ANO1: variants seen among roughly 807,000 people sequenced by gnomAD.
ANO1 encodes the protein anoctamin 1.
A neutral mutation model predicts 124.0 loss-of-function variants in ANO1; 59 were observed. That is an observed-to-expected ratio of 0.48 (90% CI 0.39 to 0.59). The LOEUF (loss-of-function observed/expected upper bound fraction) is 0.59, where lower values mean the gene tolerates loss of function less well. ANO1 is among the 20% of genes least tolerant of loss of function. The pLI, the probability that ANO1 is intolerant of heterozygous loss-of-function variation, is 0.00. For missense variants in ANO1, 1,059 were observed against 1,328.0 expected (o/e 0.80, Z 3.15); for synonymous variants, 529 against 532.0 (o/e 0.99, Z 0.08).
chr11:70,183,886 GT>G (rs2049015981), intron 24 of ANO1, among the ~76,000 whole-genome samples: 1 of 152,252 alleles, frequency 6.6e-6, no homozygotes, highest in South Asian at 2.1e-4. Context: ...GCACATAGTA[GT>G]TGGTCAATAA....
At chr11:70,107,495 G>GGGGGGGGGGGGGGGGGA (rs1555023227) in intron 5 of ANO1, among the ~76,000 whole-genome samples, 1 of 121,376 alleles carries the variant, frequency 8.2e-6, no homozygotes, top group Non-Finnish European at 1.8e-5. Context: ...GGAGGCGGCG[G>GGGGGGGGGGGGGGGGGA]GGCGGGGAAG....
chr11:70,186,042 T>C (rs2049105374), intron 25 of ANO1, among the ~76,000 whole-genome samples: 1 of 152,024 alleles, frequency 6.6e-6, no homozygotes, highest in Non-Finnish European at 1.5e-5. Context: ...TCCCAGCACT[T>C]TGGGAGACCG....
intron 1 of ANO1, among the ~76,000 whole-genome samples, chr11:70,016,105 G>A (rs113186489): frequency 0.05 from 7,487 of 151,164 alleles, 625 homozygotes; most frequent in African/African-American, 0.17. Flanking sequence ...TCGGTTCACC[G>A]CAACCTCTGC....
chr11:70,166,457 C>T (rs896890483), intron 20 of ANO1, among the ~76,000 whole-genome samples: 12 of 152,354 alleles, frequency 7.9e-5, no homozygotes, highest in African/African-American at 2.9e-4. Context: ...CCCCCAAGCC[C>T]GATGCTGGCT....
chr11:70,163,538 A>C, intron 19 of ANO1, 198 bp downstream of exon 19: 1 of 668,222 alleles, frequency 1.5e-6, no homozygotes. Flanking sequence ...TTCATATAGA[A>C]TCACCTAGAA....
intron 2 of ANO1, 116 bp downstream of exon 2, chr11:70,088,200 T>C: frequency 1.2e-6 from 1 of 803,006 alleles, no homozygotes; most frequent in Admixed American, 3.5e-5. Context: ...TTGTTTTAGC[T>C]TTAAGCTGTT....
chr11:70,156,884 G>A, intron 15 of ANO1, 63 bp from the exon 16 acceptor site: 1 of 1,512,454 alleles, frequency 6.6e-7, no homozygotes, highest in Non-Finnish European at 9.1e-7. Context: ...CACCCACGCT[G>A]ACACACAGAG....
chr11:69,980,246 A>G, the ANO1 span, among the ~76,000 whole-genome samples: 41 of 152,238 alleles, frequency 2.7e-4, 1 homozygote, highest in South Asian at 8.3e-3. Context: ...AGAAACTAGA[A>G]TGGTGGTGCC....
intron 24 of ANO1, among the ~76,000 whole-genome samples, chr11:70,183,866 G>A (rs1193817634): frequency 6.6e-6 from 1 of 152,244 alleles, no homozygotes; most frequent in Non-Finnish European, 1.5e-5. Flanking sequence ...CATCCCTGGG[G>A]TGGGGTCTGG....
At chr11:70,013,800 T>TA (rs1555001448) in intron 1 of ANO1, among the ~76,000 whole-genome samples, 3 of 14,856 alleles carry the variant, frequency 2.0e-4, no homozygotes, top group Non-Finnish European at 2.7e-4. Flanking sequence ...AGCCTCCATC[T>TA]AAAAAAAAGA....
chr11:70,177,615 T>TC (rs2048769274), intron 22 of ANO1, among the ~76,000 whole-genome samples: 2 of 146,742 alleles, frequency 1.4e-5, no homozygotes, highest in South Asian at 4.4e-4. Flanking sequence ...TTTTTTTTTT[T>TC]TTGAGACAGA....
At chr11:70,152,561 C>A in intron 13 of ANO1, 100 bp downstream of exon 13, 1 of 1,392,546 alleles carries the variant, frequency 7.2e-7, no homozygotes, top group Non-Finnish European at 1.0e-6. Context: ...GCAGTTCCCG[C>A]AGTTCCTCCA....
rs747046090 is a variant in ANO1, at chr11:70,188,015, G to A, written c.*11G>A. ...GGGGGCGTCCTGTAGCTATGCCAGC[G>A]GGGCTGGGCAGGCCAGCCGGGCATC... On this transcript the variant is annotated 3_prime_UTR_variant, in exon 26 of 26. Transcript: ENST00000355303. 1.2e-5 allele frequency: 19 copies of A among 1,551,712 alleles called. No homozygotes were observed. The highest frequency in any genetic ancestry group is 5.8e-5 in the Admixed American group (3 of 51,490).
chr11:70,151,229 C>T (rs748175710), intron 12 of ANO1, among the ~76,000 whole-genome samples: 5 of 152,382 alleles, frequency 3.3e-5, no homozygotes, highest in East Asian at 1.9e-4. Flanking sequence ...AACGGCTGCC[C>T]GGCTAGTGGC....
chr11:70,103,083 C>T lies in ANO1; in HGVS notation c.459C>T (p.Val153=), dbSNP rs1230420279. The T allele has an allele frequency of 5.0e-6, 8 of 1,611,924 alleles. No individual in the cohort carries two copies. The Admixed American group carries it at 5.0e-5, about 10-fold the overall frequency. The change falls in exon 3 of 26, where the codon GTC becomes GTT. Residue 153 remains valine (V), a synonymous_variant. Transcript: ENST00000355303. ...CTCTCCAGACTAAAATCCACGGAGT[C>T]GGGTTTGTGAAAATCCATGCCCCCT... ...ERDEDTKIHG[V]GFVKIHAPWN...
intron 8 of ANO1, among the ~76,000 whole-genome samples, chr11:70,121,982 GTC>G (rs2046302762): frequency 1.8e-5 from 2 of 114,056 alleles, no homozygotes; most frequent in African/African-American, 3.5e-5. Flanking sequence ...CTGTCTGTCT[GTC>G]TCTGTCTCTC....
At position 70,185,644 on chromosome 11, in the gene ANO1, G is replaced by A; in HGVS notation, c.2643G>A (p.Lys881=). 6.2e-7 allele frequency: 1 copy of A among 1,613,964 alleles called. No homozygotes were observed. Among genetic ancestry groups the A allele is most frequent in the Non-Finnish European group, 8.5e-7 (1 of 1,179,868 alleles). Residue 881 remains lysine (K), a synonymous_variant, in exon 25 of 26, where the codon AAG becomes AAA. Transcript: ENST00000355303. ...CGGAAAACAAGTACGACATCTCCAA[G>A]GACTTCTGGGCCGTCCTGGCAGCCC... ...PWSENKYDIS[K]DFWAVLAARL...
chr11:70,162,599 GC>G (rs1434179823), intron 18 of ANO1, among the ~76,000 whole-genome samples: 2 of 141,580 alleles, frequency 1.4e-5, no homozygotes, highest in Non-Finnish European at 3.1e-5. Context: ...CCACAATGAT[GC>G]CCCCCACCCC....
intron 21 of ANO1, 122 bp downstream of exon 21, chr11:70,167,509 A>G (rs971896477): frequency 8.9e-6 from 12 of 1,347,008 alleles, no homozygotes; most frequent in African/African-American, 7.4e-5. Context: ...GCGTCCCTCC[A>G]TAAGCATCAG....
Sources: gnomAD v4.1 joint callset for allele counts (sites outside exome capture counted in the v4.1 genomes callset) on GRCh38, gnomAD v4.1.1 for gene constraint, MANE v1.5 for transcripts, NCBI Gene and HGNC (gene_info 2026-07-23, HGNC 2026-07-21) for gene names.